Variants in ERBB4 observed in about 807,000 individuals in gnomAD.
ERBB4 encodes receptor tyrosine-protein kinase erbB-4.
ERBB4 carries 42 observed loss-of-function variants against 158.0 expected under a neutral mutation model. That is an observed-to-expected ratio of 0.27 (90% CI 0.21 to 0.34). The LOEUF (loss-of-function observed/expected upper bound fraction) is 0.34, where lower values mean the gene tolerates loss of function less well. Ranked by LOEUF, ERBB4 falls within the 10% of genes least tolerant of loss-of-function variation. The probability of loss-of-function intolerance (pLI) is 1.00; values close to 1 mark genes in which losing one functional copy is unlikely to be tolerated. For missense variants in ERBB4, 1,333 were observed against 1,624.1 expected (o/e 0.82, Z 3.08); for synonymous variants, 583 against 558.7 (o/e 1.04, Z -0.61).
intron 1 of ERBB4, among the ~76,000 whole-genome samples, chr2:212,226,023 G>C (rs542097509): frequency 5.3e-5 from 8 of 152,258 alleles, no homozygotes; most frequent in African/African-American, 7.2e-5. Context: ...AGATTATCCT[G>C]GTTGAGCCTG....
At chr2:212,446,332 T>C (rs192519911) in intron 1 of ERBB4, among the ~76,000 whole-genome samples, 1,711 of 151,650 alleles carry the variant, frequency 0.011, 13 homozygotes, top group Middle Eastern at 0.034. Context: ...AGATCTACCC[T>C]TAATCTGGTG....
intron 1 of ERBB4, among the ~76,000 whole-genome samples, chr2:212,535,056 A>G (rs1692969634): frequency 6.6e-6 from 1 of 152,186 alleles, no homozygotes; most frequent in Non-Finnish European, 1.5e-5. Flanking sequence ...TGCATACATG[A>G]TTAAAATAAA....
intron 1 of ERBB4, among the ~76,000 whole-genome samples, chr2:212,422,476 C>A (rs570662439): frequency 2.5e-4 from 37 of 150,546 alleles, no homozygotes; most frequent in Admixed American, 1.3e-3. Context: ...CCAGGCTGGG[C>A]AACGGTGTGA....
intron 12 of ERBB4, among the ~76,000 whole-genome samples, chr2:211,680,682 C>T (rs1038576071): frequency 6.6e-6 from 1 of 152,160 alleles, no homozygotes; most frequent in African/African-American, 2.4e-5. Flanking sequence ...TATTCCAATT[C>T]ATATTTTCTT....
At chr2:212,517,728 G>T (rs954288642) in intron 1 of ERBB4, among the ~76,000 whole-genome samples, 1 of 151,930 alleles carries the variant, frequency 6.6e-6, no homozygotes, top group South Asian at 2.1e-4. Flanking sequence ...ATTGATTACA[G>T]GTCACTGACA....
At chr2:211,583,647 T>C (rs532581569) in intron 19 of ERBB4, among the ~76,000 whole-genome samples, 24 of 151,728 alleles carry the variant, frequency 1.6e-4, no homozygotes, top group African/African-American at 5.3e-4. Context: ...TAAGTATCTA[T>C]AGGACTGTCT....
At chr2:211,889,528 A>G (rs912560509) in intron 3 of ERBB4, among the ~76,000 whole-genome samples, 2 of 151,950 alleles carry the variant, frequency 1.3e-5, no homozygotes, top group Admixed American at 6.6e-5. Flanking sequence ...CCTCACCAGC[A>G]ACGGAACAAG....
chr2:212,215,928 C>T (rs976328024), intron 1 of ERBB4, among the ~76,000 whole-genome samples: 1 of 151,384 alleles, frequency 6.6e-6, no homozygotes, highest in Non-Finnish European at 1.5e-5. Context: ...TTTAAGAGAA[C>T]ATCATTAGAG....
intron 1 of ERBB4, among the ~76,000 whole-genome samples, chr2:212,444,599 C>T (rs1029772963): frequency 1.3e-5 from 2 of 152,102 alleles, no homozygotes; most frequent in African/African-American, 4.8e-5. Context: ...TATGATGATC[C>T]ATTCTATGGA....
At chr2:211,716,824 T>TA (rs1440196961) in intron 7 of ERBB4, among the ~76,000 whole-genome samples, 1 of 152,208 alleles carries the variant, frequency 6.6e-6, no homozygotes, top group African/African-American at 2.4e-5. Context: ...AATTTTTTCA[T>TA]AGACAAATAC....
chr2:211,657,651 G>T, intron 16 of ERBB4, 103 bp downstream of exon 16: 1 of 871,228 alleles, frequency 1.1e-6, no homozygotes, highest in South Asian at 1.4e-5. Context: ...GATATATTAT[G>T]AGTTACAATA....
At chr2:211,886,864 G>C (rs1012883990) in intron 3 of ERBB4, among the ~76,000 whole-genome samples, 1 of 152,184 alleles carries the variant, frequency 6.6e-6, no homozygotes, top group Admixed American at 6.5e-5. Flanking sequence ...ATTGAAGGCA[G>C]TTAAACTTGT....
intron 2 of ERBB4, among the ~76,000 whole-genome samples, chr2:212,005,132 T>C (rs2076229499): frequency 6.6e-6 from 1 of 152,112 alleles, no homozygotes; most frequent in Non-Finnish European, 1.5e-5. Flanking sequence ...CATCAACATA[T>C]ATAGGTGTTT....
intron 7 of ERBB4, among the ~76,000 whole-genome samples, chr2:211,714,191 C>T (rs1559448611): frequency 6.6e-6 from 1 of 152,134 alleles, no homozygotes; most frequent in Admixed American, 6.5e-5. Context: ...AAAGGTATAT[C>T]AAATAGACAA....
In ERBB4 at chr2:212,357,962, G is replaced by A. The variant is rs570125897; in HGVS notation, c.82+180487C>T. Among the ~76,000 whole-genome samples, 3 of 151,784 alleles carry A rather than the reference G, an allele frequency of 2.0e-5. No homozygotes were observed. The East Asian group carries it at 5.8e-4, about 29-fold the overall frequency. On this transcript the variant is annotated intron_variant, in intron 1 of 27. Coordinates refer to ENST00000342788, the MANE Select transcript of ERBB4 (RefSeq NM_005235.3). ...CATCTTTAGATTACTTTTGAACATCGTGTATTCATTGCTCTCCTATTTGTC... is the reference window on the plus strand; with the variant it reads ...CATCTTTAGATTACTTTTGAACATCATGTATTCATTGCTCTCCTATTTGTC...
At chr2:211,820,476 G>T (rs892804478) in intron 3 of ERBB4, among the ~76,000 whole-genome samples, 1 of 151,704 alleles carries the variant, frequency 6.6e-6, no homozygotes, top group Non-Finnish European at 1.5e-5. Flanking sequence ...AAGACCAATG[G>T]CCTCATCACT....
chr2:211,440,511 TA>T (rs1348626431), intron 20 of ERBB4, among the ~76,000 whole-genome samples: 2 of 152,172 alleles, frequency 1.3e-5, no homozygotes, highest in African/African-American at 4.8e-5. Context: ...TCTGACACCT[TA>T]GTAATAATTG....
chr2:212,521,833 T>A (rs1692187326), intron 1 of ERBB4, among the ~76,000 whole-genome samples: 1 of 151,972 alleles, frequency 6.6e-6, no homozygotes, highest in South Asian at 2.1e-4. Context: ...TTGCAAAGTT[T>A]TACTTCGCAT....
intron 1 of ERBB4, among the ~76,000 whole-genome samples, chr2:212,263,528 A>G (rs1040293822): frequency 1.3e-5 from 2 of 152,152 alleles, no homozygotes; most frequent in Non-Finnish European, 2.9e-5. Context: ...CCTGTAGAGC[A>G]AATACTGTGT....
Sources: gnomAD v4.1 joint callset for allele counts (sites outside exome capture counted in the v4.1 genomes callset) on GRCh38, gnomAD v4.1.1 for gene constraint, MANE v1.5 for transcripts, NCBI Gene and HGNC (gene_info 2026-07-23, HGNC 2026-07-21) for gene names.